The following ANKS1B variants were observed in gnomAD, a reference collection of about 807,000 sequenced individuals.
ANKS1B encodes the protein ankyrin repeat and sterile alpha motif domain containing 1B, also known as ankyrin repeat and sterile alpha motif domain-containing protein 1B.
ANKS1B carries 36 observed loss-of-function variants against 148.3 expected under a neutral mutation model. That is an observed-to-expected ratio of 0.24 (90% CI 0.19 to 0.32). The LOEUF (loss-of-function observed/expected upper bound fraction) is 0.32, where lower values mean the gene tolerates loss of function less well. Ranked by LOEUF, ANKS1B falls within the 10% of genes least tolerant of loss-of-function variation. ANKS1B has a pLI of 1.00. For missense variants in ANKS1B, 1,157 were observed against 1,542.6 expected (o/e 0.75, Z 4.19); for synonymous variants, 542 against 560.8 (o/e 0.97, Z 0.47).
chr12:99,917,453 C>G (rs562702248), intron 1 of ANKS1B, among the ~76,000 whole-genome samples: 1 of 152,292 alleles, frequency 6.6e-6, no homozygotes, highest in Non-Finnish European at 1.5e-5. Context: ...GGTAATCTAG[C>G]TATTGACAGT....
At chr12:99,125,205 G>A (rs2063977378) in intron 15 of ANKS1B, among the ~76,000 whole-genome samples, 1 of 152,030 alleles carries the variant, frequency 6.6e-6, no homozygotes, top group African/African-American at 2.4e-5. Flanking sequence ...TAGACAAGAG[G>A]GGCCACATAG....
chr12:99,212,181 C>T (rs1314684647), intron 14 of ANKS1B, among the ~76,000 whole-genome samples: 2 of 152,214 alleles, frequency 1.3e-5, no homozygotes, highest in Non-Finnish European at 2.9e-5. Flanking sequence ...GGTATCACTC[C>T]TTTGGCCCCA....
chr12:98,855,663 T>C (rs1039356362), intron 17 of ANKS1B, among the ~76,000 whole-genome samples: 6 of 152,232 alleles, frequency 3.9e-5, no homozygotes, highest in African/African-American at 1.4e-4. Flanking sequence ...AGGATTGTAC[T>C]GGCTTAAAAG....
chr12:99,381,365 T>C (rs1157668269), intron 12 of ANKS1B, among the ~76,000 whole-genome samples: 1 of 152,200 alleles, frequency 6.6e-6, no homozygotes, highest in East Asian at 1.9e-4. Flanking sequence ...GGATTATCAG[T>C]ATGCGATTTG....
At chr12:99,284,491 A>C (rs2078863452) in intron 12 of ANKS1B, among the ~76,000 whole-genome samples, 1 of 152,238 alleles carries the variant, frequency 6.6e-6, no homozygotes, top group Admixed American at 6.5e-5. Context: ...ATCCAAATCT[A>C]GATTTTAACA....
At chr12:99,871,550 A>G (rs1465994205) in intron 1 of ANKS1B, among the ~76,000 whole-genome samples, 1 of 152,004 alleles carries the variant, frequency 6.6e-6, no homozygotes, top group Non-Finnish European at 1.5e-5. Flanking sequence ...TGAGCATGGA[A>G]TTTTTTTCCA....
chr12:99,327,196 T>G (rs1458049036), intron 12 of ANKS1B, among the ~76,000 whole-genome samples: 1 of 112,606 alleles, frequency 8.9e-6, no homozygotes, highest in African/African-American at 3.9e-5. Flanking sequence ...TATAATTATA[T>G]AATATATTAT....
intron 17 of ANKS1B, among the ~76,000 whole-genome samples, chr12:98,879,810 T>C (rs746817816): frequency 3.3e-5 from 5 of 152,210 alleles, no homozygotes; most frequent in South Asian, 4.1e-4. Flanking sequence ...GGAATCTTCA[T>C]ATTGATGTAC....
chr12:98,896,535 T>C (rs201412), intron 17 of ANKS1B, among the ~76,000 whole-genome samples: 134,837 of 152,254 alleles, frequency 0.89, 59,978 homozygotes, highest in East Asian at 0.94. Context: ...TGTCCACCTT[T>C]GTGCCACTGT....
intron 10 of ANKS1B, among the ~76,000 whole-genome samples, chr12:99,486,546 T>A (rs568634977): frequency 6.6e-6 from 1 of 152,046 alleles, no homozygotes; most frequent in South Asian, 2.1e-4. Flanking sequence ...TTCAGGCCAA[T>A]AGGGGAGGTG....
chr12:98,834,650 TCA>T (rs2099351724), intron 17 of ANKS1B, among the ~76,000 whole-genome samples: 1 of 152,188 alleles, frequency 6.6e-6, no homozygotes, highest in Non-Finnish European at 1.5e-5. Flanking sequence ...GTTTGGCATT[TCA>T]CTACCTGGAA....
At chr12:99,819,575 T>A (rs992065249) in intron 2 of ANKS1B, among the ~76,000 whole-genome samples, 12 of 151,816 alleles carry the variant, frequency 7.9e-5, no homozygotes, top group African/African-American at 2.2e-4. Flanking sequence ...TATGTGTATA[T>A]AAAACAATAT....
chr12:99,399,541 A>G (rs886121542), intron 12 of ANKS1B, 90 bp downstream of exon 12: 13 of 1,385,500 alleles, frequency 9.4e-6, no homozygotes, highest in Non-Finnish European at 1.3e-5. Context: ...ACACAATGCA[A>G]TTTGTACGAA....
At chr12:98,761,442 T>C (rs545087891) in intron 25 of ANKS1B, among the ~76,000 whole-genome samples, 2 of 152,226 alleles carry the variant, frequency 1.3e-5, no homozygotes, top group African/African-American at 2.4e-5. Flanking sequence ...ATTTCCCTTT[T>C]TGCCTTGACC....
chr12:99,899,431 C>T (rs572534788), intron 1 of ANKS1B, among the ~76,000 whole-genome samples: 62 of 152,190 alleles, frequency 4.1e-4, no homozygotes, highest in East Asian at 1.4e-3. Flanking sequence ...AAATCTAATA[C>T]GTATTGCATT....
At chr12:99,037,480 G>C (rs760444522) in intron 17 of ANKS1B, among the ~76,000 whole-genome samples, 2 of 151,516 alleles carry the variant, frequency 1.3e-5, no homozygotes, top group Admixed American at 1.3e-4. Context: ...ACACCAGCTG[G>C]GGCGACAGAG....
At chr12:99,888,190 T>C (rs1276322413) in intron 1 of ANKS1B, among the ~76,000 whole-genome samples, 1 of 152,154 alleles carries the variant, frequency 6.6e-6, no homozygotes, top group Non-Finnish European at 1.5e-5. Flanking sequence ...AGAGAGGAAG[T>C]AACAGGGGAA....
At chr12:99,323,906 A>T (rs918430324) in intron 12 of ANKS1B, among the ~76,000 whole-genome samples, 13 of 151,650 alleles carry the variant, frequency 8.6e-5, no homozygotes, top group Admixed American at 7.9e-4. Context: ...CTTGTATAAT[A>T]TTTTTTTTCC....
intron 12 of ANKS1B, among the ~76,000 whole-genome samples, chr12:99,272,630 A>T (rs1304011639): frequency 6.6e-6 from 1 of 152,238 alleles, no homozygotes; most frequent in Non-Finnish European, 1.5e-5. Flanking sequence ...TCCATTAAAA[A>T]TGTTAAAAAT....
Sources: gnomAD v4.1 joint callset for allele counts (sites outside exome capture counted in the v4.1 genomes callset) on GRCh38, gnomAD v4.1.1 for gene constraint, MANE v1.5 for transcripts, NCBI Gene and HGNC (gene_info 2026-07-23, HGNC 2026-07-21) for gene names.